DLG5: variants seen among roughly 807,000 people sequenced by gnomAD.
The protein encoded by DLG5 is disks large homolog 5.
DLG5 carries 48 observed loss-of-function variants against 189.8 expected under a neutral mutation model. That is an observed-to-expected ratio of 0.25 (90% CI 0.20 to 0.32). DLG5 has a LOEUF of 0.32. Among genes scored for constraint, DLG5 ranks in the 10% least tolerant of loss-of-function variants. The pLI is 1.00. For missense variants in DLG5, 2,160 were observed against 2,544.7 expected, an observed-to-expected ratio of 0.85 and a Z score of 3.25; for synonymous variants, 1,016 against 1,054.1, an observed-to-expected ratio of 0.96 and a Z score of 0.70.
chr10:77,909,431 C>T (rs1189208458), intron 1 of DLG5, among the ~76,000 whole-genome samples: 2 of 151,972 alleles, frequency 1.3e-5, no homozygotes, highest in Non-Finnish European at 2.9e-5. Context: ...GTGCAGCAAA[C>T]CACCATGGCA....
Position 77,926,193 on chromosome 10 carries a change from G to T in DLG5, c.304+24C>A, listed in dbSNP as rs1348834221. On this transcript the variant is annotated intron_variant, in intron 1 of 31. Transcript: ENST00000372391. This position sits in a 1 kb window ranked among gnomAD's most constrained non-coding sequence, Gnocchi z 5.2. ...GAAGCGGAGGGCGCGTCCCAGAGGC[G>T]GGGGCCAAGGGTCTGCCACTCACCC... The T allele has an allele frequency of 7.2e-7, 1 of 1,380,484 alleles. No homozygotes were observed. Among genetic ancestry groups the T allele is most frequent in the Non-Finnish European group, 9.5e-7 (1 of 1,055,346 alleles). The allele number at this position is 1,380,484 out of a possible 1,614,324, so 85.5% of individuals were successfully genotyped here.
chr10:77,900,993 T>C (rs1381564828), intron 1 of DLG5, among the ~76,000 whole-genome samples: 1 of 151,472 alleles, frequency 6.6e-6, no homozygotes, highest in Non-Finnish European at 1.5e-5. Context: ...TGCACGCCTA[T>C]AGTCCCAGCT....
chr10:77,939,086 A>G, the DLG5 span, among the ~76,000 whole-genome samples: 5 of 152,342 alleles, frequency 3.3e-5, no homozygotes, highest in East Asian at 9.6e-4. Flanking sequence ...AGGCTGAGAC[A>G]GGAGAATCAC....
At position 77,811,397 on chromosome 10, in the gene DLG5, C is replaced by A. The variant is rs371283840; in HGVS notation, c.4323-163G>T. 4.6e-5 allele frequency among the ~76,000 whole-genome samples: 7 copies of A among 152,010 alleles called. No individual in the cohort carries two copies. In the East Asian group the frequency reaches 1.4e-3, roughly 29 times the overall value. On this transcript the variant is annotated intron_variant, in intron 22 of 31. Transcript: ENST00000372391. ...ACACATTAGAAGCCTGGACCCATGACATCCACCTGTCCTCTCCCCTCCACC... is the reference window on the plus strand; with the variant it reads ...ACACATTAGAAGCCTGGACCCATGAAATCCACCTGTCCTCTCCCCTCCACC...
At chr10:77,939,239 AG>A in the DLG5 span, among the ~76,000 whole-genome samples, 441 of 152,298 alleles carry the variant, frequency 2.9e-3, 1 homozygote, top group African/African-American at 0.01. Context: ...AAGGAAGGAA[AG>A]CCAGTTCCTG....
intron 12 of DLG5, 47 bp from the exon 13 acceptor site, chr10:77,829,032 A>G (rs778784035): frequency 4.7e-5 from 74 of 1,582,570 alleles, no homozygotes; most frequent in Non-Finnish European, 6.1e-5. Flanking sequence ...CTCGCTGCCC[A>G]GCCCTGGGTC....
chr10:77,896,357 C>A (rs1418338269), intron 1 of DLG5, among the ~76,000 whole-genome samples: 2 of 152,086 alleles, frequency 1.3e-5, no homozygotes, highest in Non-Finnish European at 2.9e-5. Context: ...GAACTATAGA[C>A]TAGAGGATAT....
At chr10:77,871,150 T>A (rs1844880961) in intron 1 of DLG5, among the ~76,000 whole-genome samples, 1 of 152,150 alleles carries the variant, frequency 6.6e-6, no homozygotes, top group African/African-American at 2.4e-5. Flanking sequence ...TGTCTCTCAA[T>A]ACGACTGTCA....
intron 1 of DLG5, among the ~76,000 whole-genome samples, chr10:77,913,615 G>A (rs1846283609): frequency 1.3e-5 from 2 of 152,024 alleles, no homozygotes; most frequent in Non-Finnish European, 2.9e-5. Flanking sequence ...TAGAGCTGGG[G>A]TCTGGCTCTG....
chr10:77,792,076 C>A lies in DLG5; in HGVS notation c.*364G>T. On this transcript the variant is annotated 3_prime_UTR_variant, in exon 32 of 32. Coordinates refer to ENST00000372391, the MANE Select transcript of DLG5 (RefSeq NM_004747.4). ...GGGGCTGGGCACCGGCAACATGGAG[C>A]CGTTCAAGTAAACATAAACCACCAA... is the stretch of plus-strand genomic sequence containing the variant. 1 of 226,652 alleles carries A rather than the reference C, an allele frequency of 4.4e-6. No homozygotes were observed. The highest frequency in any genetic ancestry group is 1.1e-4 in the East Asian group (1 of 8,884). The allele number at this position is 226,652 out of a possible 1,614,324, so 14.0% of individuals were successfully genotyped here.
At chr10:77,907,484 T>C (rs1846100425) in intron 1 of DLG5, among the ~76,000 whole-genome samples, 2 of 152,046 alleles carry the variant, frequency 1.3e-5, no homozygotes. Context: ...GAGGCTAAGG[T>C]AGGATAATCA....
intron 1 of DLG5, among the ~76,000 whole-genome samples, chr10:77,895,591 G>T (rs932902988): frequency 2.6e-5 from 4 of 152,074 alleles, no homozygotes; most frequent in Non-Finnish European, 4.4e-5. Flanking sequence ...CTCAATTCAG[G>T]GACACTGGAG....
intron 2 of DLG5, among the ~76,000 whole-genome samples, chr10:77,863,889 G>C (rs930580629): frequency 3.3e-5 from 5 of 152,176 alleles, no homozygotes; most frequent in African/African-American, 1.2e-4. Context: ...TGTAAAGGAG[G>C]CAACAGGAAG....
chr10:77,899,159 T>C (rs1286168968), intron 1 of DLG5, among the ~76,000 whole-genome samples: 2 of 152,218 alleles, frequency 1.3e-5, no homozygotes, highest in Non-Finnish European at 2.9e-5. Context: ...CTAGTAAGGA[T>C]GGCACTGACT....
chr10:77,890,584 A>C (rs1370884527), intron 1 of DLG5, among the ~76,000 whole-genome samples: 1 of 152,198 alleles, frequency 6.6e-6, no homozygotes, highest in African/African-American at 2.4e-5. Context: ...TGGGAGGCCG[A>C]GGCATGCAGA....
intron 1 of DLG5, among the ~76,000 whole-genome samples, chr10:77,898,483 T>C (rs970425502): frequency 6.6e-6 from 1 of 152,162 alleles, no homozygotes; most frequent in Non-Finnish European, 1.5e-5. Flanking sequence ...CAGAGGCACA[T>C]GGGAGCAGGG....
At chr10:77,806,975 A>G (rs1240122962) in intron 25 of DLG5, 47 bp from the exon 26 acceptor site, 4 of 1,583,758 alleles carry the variant, frequency 2.5e-6, no homozygotes, top group South Asian at 1.1e-5. Context: ...TCTGGCCACC[A>G]AGGACGAACC....
chr10:77,820,089 T>TA, intron 15 of DLG5, 71 bp from the exon 16 acceptor site: 2 of 1,594,056 alleles, frequency 1.3e-6, no homozygotes, highest in Non-Finnish European at 1.7e-6. Flanking sequence ...CTCACACCTA[T>TA]AATCCCAGCA....
At chr10:77,904,574 G>T (rs974812768) in intron 1 of DLG5, among the ~76,000 whole-genome samples, 3 of 151,976 alleles carry the variant, frequency 2.0e-5, no homozygotes, top group East Asian at 3.9e-4. Context: ...CATAAGGGCC[G>T]GTCTTTCCCA....
Sources: allele counts gnomAD v4.1 joint callset (sites outside exome capture counted in the v4.1 genomes callset), GRCh38; gene constraint gnomAD v4.1.1; non-coding constraint Gnocchi (gnomAD v3.1); transcripts MANE v1.5; gene names NCBI Gene and HGNC (gene_info 2026-07-23, HGNC 2026-07-21).